IL4: variants seen among roughly 807,000 people sequenced by gnomAD.
IL4 encodes the protein interleukin-4.
IL4 carries 10 observed loss-of-function variants against 17.4 expected under a neutral mutation model. The ratio of observed to expected loss-of-function variants is 0.57; its 90% CI spans 0.35 to 0.97. IL4 has a LOEUF of 0.97. Ranked by LOEUF, IL4 falls within the 50% of genes least tolerant of loss-of-function variation. The pLI, the probability that IL4 is intolerant of heterozygous loss-of-function variation, is 0.01. For synonymous variants in IL4, 87 were observed against 79.0 expected (o/e 1.10, Z -0.54); for missense variants, 174 against 187.7 (o/e 0.93, Z 0.43).
intron 2 of IL4, among the ~76,000 whole-genome samples, chr5:132,674,815 A>T (rs1207398982): frequency 6.6e-6 from 1 of 152,240 alleles, no homozygotes; most frequent in Non-Finnish European, 1.5e-5. Flanking sequence ...GGCACTCAAT[A>T]AATGCCTGTT....
chr5:132,680,924 T>C lies in IL4; in HGVS notation c.360+1034T>C, dbSNP rs974475972. On this transcript the variant is annotated intron_variant, in intron 3 of 3. Coordinates refer to ENST00000231449, the MANE Select transcript of IL4 (RefSeq NM_000589.4). This position sits in a 1 kb window ranked among gnomAD's most constrained non-coding sequence, Gnocchi z 4.3. ...ACCTCTTTGTTCCTGCCCAAACCCC[T>C]CTGGCGATGGTCAGTACTGTTTACA... 2.0e-5 allele frequency among the ~76,000 whole-genome samples: 3 copies of C among 152,186 alleles called. No homozygotes were observed. Among genetic ancestry groups the C allele is most frequent in the Non-Finnish European group, 4.4e-5 (3 of 68,028 alleles).
At chr5:132,678,279 T>C (rs1326313308) in intron 2 of IL4, among the ~76,000 whole-genome samples, 1 of 152,174 alleles carries the variant, frequency 6.6e-6, no homozygotes, top group Admixed American at 6.5e-5. Flanking sequence ...CCATGTTCTC[T>C]AATACCACCG....
intron 2 of IL4, among the ~76,000 whole-genome samples, chr5:132,679,204 G>A (rs1752437983): frequency 6.6e-6 from 1 of 152,230 alleles, no homozygotes; most frequent in Non-Finnish European, 1.5e-5. Flanking sequence ...AAGCAGCAGA[G>A]TTCAGGCCAA....
chr5:132,681,455 G>C (rs1390424029), intron 3 of IL4, among the ~76,000 whole-genome samples: 1 of 152,198 alleles, frequency 6.6e-6, no homozygotes, highest in Non-Finnish European at 1.5e-5. Context: ...AGCTGGAGTG[G>C]GCTCACCGAG....
Position 132,679,842 on chromosome 5 carries a change from C to A in IL4, c.312C>A (p.Ile104=). 5.0e-6 allele frequency: 8 copies of A among 1,613,892 alleles called. No individual in the cohort carries two copies. The highest frequency in any genetic ancestry group is 6.8e-6 in the Non-Finnish European group (8 of 1,179,922). Reference sequence around the variant, plus strand: ...AGTTCCACAGGCACAAGCAGCTGATCCGATTCCTGAAACGGCTCGACAGGA... The same window carrying A: ...AGTTCCACAGGCACAAGCAGCTGATACGATTCCTGAAACGGCTCGACAGGA... The part of the protein sequence containing the change: ...AQQFHRHKQL[I]RFLKRLDRNL... Residue 104 remains isoleucine (I), a synonymous_variant, in exon 3 of 4, where the codon ATC becomes ATA. Coordinates refer to ENST00000231449, the MANE Select transcript of IL4 (RefSeq NM_000589.4).
chr5:132,682,343 G>C, intron 3 of IL4, 143 bp from the exon 4 acceptor site: 1 of 569,154 alleles, frequency 1.8e-6, no homozygotes, highest in Non-Finnish European at 3.1e-6. Flanking sequence ...CCTAGTGATA[G>C]AGACAACTCC....
Position 132,680,020 on chromosome 5 carries a change from T to A in IL4, c.360+130T>A. ...TTCATTCATTCACTCATTCAATAAG[T>A]ATTTGCTGAAGTTCCACAAGTGCTG... On this transcript the variant is annotated intron_variant, in intron 3 of 3. Transcript: ENST00000231449. The surrounding 1 kb of genome is among the most constrained non-coding windows in gnomAD (Gnocchi z 4.3). 1 of 798,376 alleles carries A rather than the reference T, an allele frequency of 1.3e-6. No homozygotes were observed. Among genetic ancestry groups the A allele is most frequent in the Non-Finnish European group, 2.0e-6 (1 of 512,762 alleles). 49.5% of individuals were successfully genotyped at this position (798,376 alleles called of 1,614,324 possible).
chr5:132,677,244 CAG>C (rs1191006708), intron 2 of IL4, among the ~76,000 whole-genome samples: 7 of 152,218 alleles, frequency 4.6e-5, no homozygotes, highest in African/African-American at 1.4e-4. Context: ...AGAACTCTCA[CAG>C]AGTCACTGCC....
chr5:132,678,137 A>C (rs190019219), intron 2 of IL4, among the ~76,000 whole-genome samples: 1 of 152,264 alleles, frequency 6.6e-6, no homozygotes, highest in Non-Finnish European at 1.5e-5. Context: ...AGCCTACATA[A>C]ATAAGAGATG....
chr5:132,674,432 T>G, intron 1 of IL4, 27 bp from the exon 2 acceptor site: 2 of 1,612,336 alleles, frequency 1.2e-6, no homozygotes, highest in Non-Finnish European at 1.7e-6. Context: ...CTCTGTCTCT[T>G]GCTCTCTCAT....
At chr5:132,681,407 T>A (rs1274980517) in intron 3 of IL4, among the ~76,000 whole-genome samples, 1 of 151,438 alleles carries the variant, frequency 6.6e-6, no homozygotes, top group African/African-American at 2.4e-5. Flanking sequence ...AGGCCATGGG[T>A]GAGGCTGATG....
At position 132,680,026 on chromosome 5, in the gene IL4, C is replaced by T. The variant is rs947013558; in HGVS notation, c.360+136C>T. ...CATTCACTCATTCAATAAGTATTTG[C>T]TGAAGTTCCACAAGTGCTGGGTGTG... On this transcript the variant is annotated intron_variant, in intron 3 of 3. Coordinates refer to ENST00000231449, the MANE Select transcript of IL4 (RefSeq NM_000589.4). The surrounding 1 kb of genome is among the most constrained non-coding windows in gnomAD (Gnocchi z 4.3). 2.6e-6 allele frequency: 2 copies of T among 770,386 alleles called. No homozygotes were observed. Among genetic ancestry groups the T allele is most frequent in the Admixed American group, 3.1e-5 (1 of 32,272 alleles). The allele number at this position is 770,386 out of a possible 1,614,324, so 47.7% of individuals were successfully genotyped here. A position where few individuals can be genotyped will look rare whatever the true frequency, so the allele number is the denominator to read the frequency against.
chr5:132,679,861 G>A lies in IL4; in HGVS notation c.331G>A (p.Asp111Asn), dbSNP rs146713238. The A allele has an allele frequency of 4.5e-5, 72 of 1,613,214 alleles. No individual in the cohort carries two copies. Among genetic ancestry groups the A allele is most frequent in the African/African-American group, 2.3e-4 (17 of 74,920 alleles). Reference sequence around the variant, plus strand: ...GCTGATCCGATTCCTGAAACGGCTCGACAGGAACCTCTGGGGCCTGGCGGG... The same window carrying A: ...GCTGATCCGATTCCTGAAACGGCTCAACAGGAACCTCTGGGGCCTGGCGGG... The part of the protein sequence containing the change: ...KQLIRFLKRL[D>N]RNLWGLAGLN... The change falls in exon 3 of 4, where the codon GAC (aspartate) becomes AAC (asparagine). Residue 111 changes from aspartate (D) to asparagine (N), a missense_variant. By Grantham distance (23) the Asp-to-Asn change is conservative. Coordinates refer to ENST00000231449, the MANE Select transcript of IL4 (RefSeq NM_000589.4).
chr5:132,681,626 C>T (rs1752489878), intron 3 of IL4, among the ~76,000 whole-genome samples: 2 of 152,152 alleles, frequency 1.3e-5, no homozygotes, highest in Admixed American at 1.3e-4. Context: ...CATGTTAATG[C>T]ACCTGGGGGA....
chr5:132,679,729 G>A lies in IL4; in HGVS notation c.199G>A (p.Glu67Lys). 1 of 1,613,344 alleles carries A rather than the reference G, an allele frequency of 6.2e-7. No individual in the cohort carries two copies. Among genetic ancestry groups the A allele is most frequent in the Non-Finnish European group, 8.5e-7 (1 of 1,179,668 alleles). The change falls in exon 3 of 4, where the codon GAA (glutamate) becomes AAA (lysine). Residue 67 changes from glutamate (E) to lysine (K), a missense_variant. Glu to Lys is a moderately conservative substitution (Grantham distance 56). Coordinates refer to ENST00000231449, the MANE Select transcript of IL4 (RefSeq NM_000589.4). ...FAASKNTTEKETFCRAATVLR... is the reference protein window; with the variant it reads ...FAASKNTTEKKTFCRAATVLR... ...GTCTTTCCAGAACACAACTGAGAAG[G>A]AAACCTTCTGCAGGGCTGCGACTGT...
chr5:132,678,530 A>G (rs1010945500), intron 2 of IL4, among the ~76,000 whole-genome samples: 2 of 152,348 alleles, frequency 1.3e-5, no homozygotes. Flanking sequence ...TAAGAACTTG[A>G]AAGCTGCTTG....
chr5:132,682,396 G>A, intron 3 of IL4, 90 bp from the exon 4 acceptor site: 1 of 765,294 alleles, frequency 1.3e-6, no homozygotes, highest in Non-Finnish European at 2.3e-6. Context: ...AAGTGTTCAG[G>A]TGACAAGTGC....
intron 3 of IL4, among the ~76,000 whole-genome samples, chr5:132,681,705 T>C (rs140001853): frequency 1.3e-5 from 2 of 152,250 alleles, no homozygotes; most frequent in African/African-American, 4.8e-5. Context: ...GCAGAAGTCC[T>C]TGTAGCCCAG....
chr5:132,674,591 C>T (rs1177871744), intron 2 of IL4, 85 bp downstream of exon 2: 16 of 1,090,376 alleles, frequency 1.5e-5, no homozygotes, highest in South Asian at 2.6e-5. Context: ...TAATGGAAAA[C>T]GAGCGGGCCC....
Sources: allele counts gnomAD v4.1 joint callset (sites outside exome capture counted in the v4.1 genomes callset), GRCh38; gene constraint gnomAD v4.1.1; non-coding constraint Gnocchi (gnomAD v3.1); transcripts MANE v1.5; gene names NCBI Gene and HGNC (gene_info 2026-07-23, HGNC 2026-07-21).